WDR5: variants seen among roughly 807,000 people sequenced by gnomAD.
WDR5 encodes the protein WD repeat-containing protein 5.
For missense variants in WDR5, 187 were observed against 416.9 expected, an observed-to-expected ratio of 0.45 and a Z score of 4.80; for synonymous variants, 144 against 161.6, an observed-to-expected ratio of 0.89 and a Z score of 0.83.
chr9:134,147,543 A>G (rs1033189271), intron 7 of WDR5, among the ~76,000 whole-genome samples: 2 of 152,150 alleles, frequency 1.3e-5, no homozygotes, highest in African/African-American at 2.4e-5. Context: ...GTCTGGTCTA[A>G]AATGTCAGTG....
At chr9:134,144,131 C>T (rs940036255) in intron 7 of WDR5, among the ~76,000 whole-genome samples, 7 of 152,256 alleles carry the variant, frequency 4.6e-5, no homozygotes, top group Admixed American at 2.0e-4. Flanking sequence ...ACTGCCCGGA[C>T]GGACAGTGTG....
rs190548354 is a variant in WDR5, at chr9:134,149,560, C to T, written c.584+1217C>T. Among the ~76,000 whole-genome samples, 21 of 152,312 alleles carry T rather than the reference C, an allele frequency of 1.4e-4. No homozygotes were observed. In the East Asian group the frequency reaches 3.9e-3, roughly 28 times the overall value. ...CAGGGCCTCTCTGGTGCCACCCTCC[C>T]GGCCCCTCTGTGTGTGTGTCACCAA... On this transcript the variant is annotated intron_variant, in intron 8 of 13. Coordinates refer to ENST00000358625, the MANE Select transcript of WDR5 (RefSeq NM_017588.3).
intron 8 of WDR5, among the ~76,000 whole-genome samples, chr9:134,149,304 C>T (rs1202274423): frequency 6.6e-6 from 1 of 152,196 alleles, no homozygotes; most frequent in Non-Finnish European, 1.5e-5. Flanking sequence ...GCCATCGCCT[C>T]GCAAGGTTCA....
intron 5 of WDR5, 50 bp downstream of exon 5, chr9:134,142,088 G>A (rs1457325728): frequency 1.9e-6 from 3 of 1,568,780 alleles, no homozygotes; most frequent in Non-Finnish European, 1.8e-6. Flanking sequence ...TGCAGGGCAC[G>A]GGGCAGGTGC....
In WDR5 at chr9:134,146,210, G is replaced by A. The variant is rs562712357; in HGVS notation, c.529-2078G>A. On this transcript the variant is annotated intron_variant, in intron 7 of 13. Transcript: ENST00000358625. ...TCTCGATCTCCTGACCTCATAATCC[G>A]CCCACCTCGGCCTCCTGAAGTGCTG... Among the ~76,000 whole-genome samples the A allele has an allele frequency of 4.0e-5, 6 of 148,952 alleles. No homozygotes were observed. In the South Asian group the frequency reaches 1.1e-3, roughly 26 times the overall value.
intron 8 of WDR5, 113 bp downstream of exon 8, chr9:134,148,456 T>G: frequency 1.0e-6 from 1 of 957,196 alleles, no homozygotes; most frequent in Non-Finnish European, 1.6e-6. Context: ...AGTCCTTAAT[T>G]TCCGAAGCTT....
Position 134,157,723 on chromosome 9 carries a change from C to A in WDR5, c.905-170C>A, listed in dbSNP as rs936494736. On this transcript the variant is annotated intron_variant, in intron 13 of 13. Transcript: ENST00000358625. The surrounding 1 kb of genome is among the most constrained non-coding windows in gnomAD (Gnocchi z 5.0). ...CCGGCTGCTGTCCCCTCGCTCCCCT[C>A]CCCTGGGCTCCCTGTGTCGAAGGTG... Among the ~76,000 whole-genome samples, 2 of 152,148 alleles carry A rather than the reference C, an allele frequency of 1.3e-5. No individual in the cohort carries two copies. The highest frequency in any genetic ancestry group is 2.9e-5 in the Non-Finnish European group (2 of 68,030).
intron 4 of WDR5, 124 bp from the exon 5 acceptor site, chr9:134,141,824 CT>C (rs1444111889): frequency 1.8e-4 from 183 of 1,034,160 alleles, no homozygotes; most frequent in Middle Eastern, 1.1e-3. Context: ...GGCCGTGTGT[CT>C]TTTGTAAGGT....
intron 9 of WDR5, 76 bp from the exon 10 acceptor site, chr9:134,154,390 G>C: frequency 1.4e-6 from 2 of 1,468,576 alleles, no homozygotes; most frequent in Non-Finnish European, 9.5e-7. Context: ...CGTGGGGGAT[G>C]GGGAGCGGGT....
chr9:134,156,666 G>A, intron 13 of WDR5, 73 bp downstream of exon 13: 1 of 1,512,054 alleles, frequency 6.6e-7, no homozygotes, highest in Non-Finnish European at 9.1e-7. Flanking sequence ...GAAGCGTGGT[G>A]TGCCCGTAGG....
intron 8 of WDR5, among the ~76,000 whole-genome samples, chr9:134,149,509 T>C (rs1832387262): frequency 6.6e-6 from 1 of 152,146 alleles, no homozygotes; most frequent in Non-Finnish European, 1.5e-5. Context: ...GTGCACAGGG[T>C]GAGCTATGGG....
At chr9:134,147,773 A>T (rs886615632) in intron 7 of WDR5, among the ~76,000 whole-genome samples, 1 of 152,168 alleles carries the variant, frequency 6.6e-6, no homozygotes, top group African/African-American at 2.4e-5. Flanking sequence ...TACTCCCAGC[A>T]CTTCGGAAGA....
In WDR5 at chr9:134,159,527, C is replaced by T. The variant is rs937180403; in HGVS notation, c.*1534C>T. 1 of 152,254 alleles carries T rather than the reference C, an allele frequency of 6.6e-6. No individual in the cohort carries two copies. The highest frequency in any genetic ancestry group is 2.4e-5 in the African/African-American group (1 of 41,402). 9.4% of individuals were successfully genotyped at this position (152,254 alleles called of 1,614,324 possible). On this transcript the variant is annotated 3_prime_UTR_variant, in exon 14 of 14. Transcript: ENST00000358625. The surrounding 1 kb of genome is among the most constrained non-coding windows in gnomAD (Gnocchi z 4.3). ...AAGCGGGGGGTTTGTCAGGTGGGCTCTCCTGGAGGTCCTCGAGTGGCAGGG... is the reference window on the plus strand; with the variant it reads ...AAGCGGGGGGTTTGTCAGGTGGGCTTTCCTGGAGGTCCTCGAGTGGCAGGG...
chr9:134,139,228 G>A (rs1588167605), intron 1 of WDR5, among the ~76,000 whole-genome samples: 1 of 152,204 alleles, frequency 6.6e-6, no homozygotes, highest in East Asian at 1.9e-4. Context: ...GAGTGCGCGA[G>A]CCCTGTGAGC....
rs1477839024 is a variant in WDR5, at chr9:134,157,727, T to C, written c.905-166T>C. Reference sequence around the variant, plus strand: ...CTGCTGTCCCCTCGCTCCCCTCCCCTGGGCTCCCTGTGTCGAAGGTGGGCA... The same window carrying C: ...CTGCTGTCCCCTCGCTCCCCTCCCCCGGGCTCCCTGTGTCGAAGGTGGGCA... On this transcript the variant is annotated intron_variant, in intron 13 of 13. Transcript: ENST00000358625. The surrounding 1 kb of genome is among the most constrained non-coding windows in gnomAD (Gnocchi z 5.0). Among the ~76,000 whole-genome samples, 2 of 152,086 alleles carry C rather than the reference T, an allele frequency of 1.3e-5. No individual in the cohort carries two copies. The highest frequency in any genetic ancestry group is 1.3e-4 in the Admixed American group (2 of 15,276).
intron 8 of WDR5, among the ~76,000 whole-genome samples, 164 bp from the exon 9 acceptor site, chr9:134,151,819 T>A (rs1832501293): frequency 6.6e-6 from 1 of 152,160 alleles, no homozygotes; most frequent in African/African-American, 2.4e-5. Flanking sequence ...TGTTTAGTCT[T>A]TGTCCCTAGA....
chr9:134,156,089 G>A (rs569531264), intron 12 of WDR5, among the ~76,000 whole-genome samples: 1 of 152,372 alleles, frequency 6.6e-6, no homozygotes, highest in South Asian at 2.1e-4. Context: ...TGGCTCCGGG[G>A]CTGTCGTCCA....
intron 7 of WDR5, among the ~76,000 whole-genome samples, chr9:134,144,705 T>C (rs1473297686): frequency 6.6e-6 from 1 of 151,944 alleles, no homozygotes; most frequent in African/African-American, 2.4e-5. Flanking sequence ...CCGGGCGTAG[T>C]GATGCGCACG....
chr9:134,154,128 T>A (rs939773036), intron 9 of WDR5, among the ~76,000 whole-genome samples: 2 of 152,160 alleles, frequency 1.3e-5, no homozygotes, highest in African/African-American at 2.4e-5. Context: ...GAGTTGTCCC[T>A]CTGTTGAGTT....
Sources: gnomAD v4.1 joint callset for allele counts (sites outside exome capture counted in the v4.1 genomes callset) on GRCh38, gnomAD v4.1.1 for gene constraint, Gnocchi (gnomAD v3.1) non-coding constraint, MANE v1.5 for transcripts, NCBI Gene and HGNC (gene_info 2026-07-23, HGNC 2026-07-21) for gene names.